GHR: variants seen among roughly 807,000 people sequenced by gnomAD.
The protein encoded by GHR is GH receptor.
A neutral mutation model predicts 67.1 loss-of-function variants in GHR; 35 were observed. The observed-to-expected ratio is 0.52, with a 90% confidence interval of 0.40 to 0.69. GHR has a LOEUF of 0.69. Among genes scored for constraint, GHR ranks in the 30% least tolerant of loss-of-function variants. The pLI is 0.00. For missense variants in GHR, 792 were observed against 764.6 expected (o/e 1.04, Z -0.42); for synonymous variants, 272 against 269.1 (o/e 1.01, Z -0.10).
At chr5:42,433,568 T>C (rs955772537) in intron 1 of GHR, among the ~76,000 whole-genome samples, 7 of 151,952 alleles carry the variant, frequency 4.6e-5, no homozygotes, top group Non-Finnish European at 4.4e-5. Context: ...ACATTCATGG[T>C]GTGATTATGG....
Position 42,693,200 on chromosome 5 carries a change from C to T in GHR, c.267-1717C>T, listed in dbSNP as rs141056799. ...GCACCCAGGCTGGAGTGCAGTGGCT[C>T]GATCTTGGCTTACTGCAAACTTTGC... On this transcript the variant is annotated intron_variant, in intron 4 of 9. Transcript: ENST00000230882. 3.4e-4 allele frequency among the ~76,000 whole-genome samples: 51 copies of T among 151,578 alleles called. 1 individual carries two copies. Among genetic ancestry groups the T allele is most frequent in the African/African-American group, 1.1e-3 (47 of 41,320 alleles).
chr5:42,450,571 C>A (rs753174614), intron 1 of GHR, among the ~76,000 whole-genome samples: 1 of 151,940 alleles, frequency 6.6e-6, no homozygotes, highest in Non-Finnish European at 1.5e-5. Flanking sequence ...TTCAAAGAAC[C>A]AGCTTTTTGT....
chr5:42,566,513 C>T (rs1377093993), intron 2 of GHR, among the ~76,000 whole-genome samples: 2 of 152,126 alleles, frequency 1.3e-5, no homozygotes, highest in African/African-American at 4.8e-5. Context: ...TATAATTCTC[C>T]CTCCCTTTTT....
intron 3 of GHR, among the ~76,000 whole-genome samples, chr5:42,633,052 T>C (rs1036746948): frequency 3.3e-5 from 5 of 152,214 alleles, no homozygotes; most frequent in African/African-American, 1.2e-4. Context: ...GGCAGAAGAT[T>C]TGTTGGGCCA....
At chr5:42,430,819 A>T (rs1307608465) in intron 1 of GHR, among the ~76,000 whole-genome samples, 1 of 152,110 alleles carries the variant, frequency 6.6e-6, no homozygotes, top group Non-Finnish European at 1.5e-5. Flanking sequence ...CCAAAATTAC[A>T]AGAGACCCAT....
At chr5:42,607,779 A>ACAGGGCATGTATT (rs1752697122) in intron 2 of GHR, among the ~76,000 whole-genome samples, 1 of 152,198 alleles carries the variant, frequency 6.6e-6, no homozygotes, top group African/African-American at 2.4e-5. Flanking sequence ...AGATAGAGGC[A>ACAGGGCATGTATT]CAGGGCATGT....
chr5:42,536,052 G>A (rs1748243685), intron 1 of GHR, among the ~76,000 whole-genome samples: 1 of 151,948 alleles, frequency 6.6e-6, no homozygotes, highest in Non-Finnish European at 1.5e-5. Flanking sequence ...ATCAGTTCTG[G>A]GAACTTTCTG....
chr5:42,504,691 G>A (rs578147878), intron 1 of GHR, among the ~76,000 whole-genome samples: 72 of 152,140 alleles, frequency 4.7e-4, no homozygotes, highest in African/African-American at 1.1e-3. Context: ...CCCAGGAGGC[G>A]GAGGTTGCAG....
chr5:42,515,479 G>A (rs1296838832), intron 1 of GHR, among the ~76,000 whole-genome samples: 1 of 152,196 alleles, frequency 6.6e-6, no homozygotes, highest in Non-Finnish European at 1.5e-5. Flanking sequence ...CATAGTCTTG[G>A]CTTCTAGGCA....
chr5:42,522,092 C>T (rs990556562), intron 1 of GHR, among the ~76,000 whole-genome samples: 2 of 152,074 alleles, frequency 1.3e-5, no homozygotes, highest in Non-Finnish European at 2.9e-5. Context: ...ATTGTTCCAT[C>T]GTTTTGTATT....
chr5:42,653,902 G>A (rs1755127590), intron 3 of GHR, among the ~76,000 whole-genome samples: 1 of 152,128 alleles, frequency 6.6e-6, no homozygotes. Context: ...AACTTCAAGG[G>A]TATGAGGTCA....
Position 42,424,351 on chromosome 5 carries a change from G to C in GHR, c.-12+396G>C. On this transcript the variant is annotated intron_variant, in intron 1 of 9. Coordinates refer to ENST00000230882, the MANE Select transcript of GHR (RefSeq NM_000163.5). The surrounding 1 kb of genome is among the most constrained non-coding windows in gnomAD (Gnocchi z 4.1). ...AGACAGTTTTGTTAAAGTCATAAAA[G>C]TTTTGCTAGTGTGTTTCTGTTTGCC... 2 of 589,212 alleles carry C rather than the reference G, an allele frequency of 3.4e-6. No individual in the cohort carries two copies. Among genetic ancestry groups the C allele is most frequent in the Non-Finnish European group, 6.1e-6 (2 of 329,878 alleles). The allele number at this position is 589,212 out of a possible 1,614,324, so 36.5% of individuals were successfully genotyped here.
chr5:42,424,717 C>T lies in GHR; in HGVS notation c.-12+762C>T. On this transcript the variant is annotated intron_variant, in intron 1 of 9. Coordinates refer to ENST00000230882, the MANE Select transcript of GHR (RefSeq NM_000163.5). This position sits in a 1 kb window ranked among gnomAD's most constrained non-coding sequence, Gnocchi z 4.1. ...AGAGGCTGCGGGTCAATGGGGTGGCCGCGTGTCTAGGGAGAGGGCGCTGGC... is the reference window on the plus strand; with the variant it reads ...AGAGGCTGCGGGTCAATGGGGTGGCTGCGTGTCTAGGGAGAGGGCGCTGGC... 1 of 1,053,352 alleles carries T rather than the reference C, an allele frequency of 9.5e-7. No individual in the cohort carries two copies. The highest frequency in any genetic ancestry group is 1.3e-5 in the South Asian group (1 of 74,606). The allele number at this position is 1,053,352 out of a possible 1,614,324, so 65.3% of individuals were successfully genotyped here.
At chr5:42,430,607 C>CGTGTGTGTGTGTGTGTGT (rs141602161) in intron 1 of GHR, among the ~76,000 whole-genome samples, 165 of 147,508 alleles carry the variant, frequency 1.1e-3, no homozygotes, top group African/African-American at 3.9e-3. Context: ...ATGCTAGTCC[C>CGTGTGTGTGTGTGTGTGT]GTGTGTGTGT....
intron 1 of GHR, among the ~76,000 whole-genome samples, chr5:42,487,774 G>A (rs1448909957): frequency 6.6e-6 from 1 of 152,160 alleles, no homozygotes; most frequent in Non-Finnish European, 1.5e-5. Flanking sequence ...CGGCCTGTAG[G>A]TGGAATTGTA....
chr5:42,637,874 C>A (rs573181046), intron 3 of GHR, among the ~76,000 whole-genome samples: 1 of 152,196 alleles, frequency 6.6e-6, no homozygotes, highest in African/African-American at 2.4e-5. Flanking sequence ...CTTGAGAAAT[C>A]TCCACACTGT....
chr5:42,663,366 T>A (rs1755761396), intron 3 of GHR, among the ~76,000 whole-genome samples: 1 of 152,160 alleles, frequency 6.6e-6, no homozygotes, highest in Non-Finnish European at 1.5e-5. Flanking sequence ...GCAAACCGAA[T>A]CCAGCAGCAC....
rs1579950804 is a variant in GHR, at chr5:42,565,712, A to G, written c.-11-152A>G. On this transcript the variant is annotated intron_variant, in intron 1 of 9. Coordinates refer to ENST00000230882, the MANE Select transcript of GHR (RefSeq NM_000163.5). ...TTGAGTTCATGAAAAGTAGGACAAT[A>G]TGAGACTCTGGGGCAGTGAAAGACT... The G allele has an allele frequency of 2.0e-6, 3 of 1,531,822 alleles. No homozygotes were observed. In the South Asian group the frequency reaches 3.6e-5, roughly 18 times the overall value. The allele number at this position is 1,531,822 out of a possible 1,614,324, so 94.9% of individuals were successfully genotyped here.
chr5:42,467,344 G>T, intron 1 of GHR: 4 of 1,046,206 alleles, frequency 3.8e-6, no homozygotes, highest in South Asian at 2.5e-5. Flanking sequence ...AATAAGATTT[G>T]CAATCTGCGT....
Sources: allele counts gnomAD v4.1 joint callset (sites outside exome capture counted in the v4.1 genomes callset), GRCh38; gene constraint gnomAD v4.1.1; non-coding constraint Gnocchi (gnomAD v3.1); transcripts MANE v1.5; gene names NCBI Gene and HGNC (gene_info 2026-07-23, HGNC 2026-07-21).